GBE1: variants seen among roughly 807,000 people sequenced by gnomAD.
The protein encoded by GBE1 is 1,4-alpha-glucan branching enzyme 1.
A neutral mutation model predicts 88.8 loss-of-function variants in GBE1; 70 were observed. That is an observed-to-expected ratio of 0.79 (90% confidence interval 0.65 to 0.96). The LOEUF is 0.96. GBE1 is among the 40% of genes least tolerant of loss of function. GBE1 has a pLI of 0.00. For synonymous variants in GBE1, 284 were observed against 300.1 expected (o/e 0.95, Z 0.56); for missense variants, 872 against 871.0 (o/e 1.00, Z -0.01).
intron 7 of GBE1, among the ~76,000 whole-genome samples, chr3:81,639,050 G>A (rs939457507): frequency 1.3e-5 from 2 of 152,126 alleles, no homozygotes; most frequent in Non-Finnish European, 2.9e-5. Flanking sequence ...AATGTAAGGG[G>A]TGGAAAAATT....
chr3:81,570,688 G>A (rs1053272122), intron 12 of GBE1, among the ~76,000 whole-genome samples: 4 of 152,138 alleles, frequency 2.6e-5, no homozygotes, highest in Non-Finnish European at 5.9e-5. Context: ...GATCATAAAG[G>A]ATGTTATAGG....
chr3:81,501,174 A>T (rs150818464), intron 14 of GBE1, among the ~76,000 whole-genome samples: 1 of 152,210 alleles, frequency 6.6e-6, no homozygotes, highest in Admixed American at 6.5e-5. Context: ...ACAACGAATG[A>T]TCAATTATGG....
intron 1 of GBE1, among the ~76,000 whole-genome samples, chr3:81,706,652 G>C (rs1705779111): frequency 6.6e-6 from 1 of 152,102 alleles, no homozygotes; most frequent in African/African-American, 2.4e-5. Context: ...TACAAAATTT[G>C]AGATGCAGAA....
At chr3:81,517,296 A>G (rs963432510) in intron 14 of GBE1, among the ~76,000 whole-genome samples, 4 of 151,542 alleles carry the variant, frequency 2.6e-5, no homozygotes, top group Non-Finnish European at 5.9e-5. Flanking sequence ...GACCATTAAC[A>G]TCTTTTAGCA....
At chr3:81,592,514 C>T (rs997051298) in intron 8 of GBE1, among the ~76,000 whole-genome samples, 1 of 152,058 alleles carries the variant, frequency 6.6e-6, no homozygotes, top group Admixed American at 6.6e-5. Flanking sequence ...ATATTAACTG[C>T]CTTAAATCTC....
chr3:81,741,369 G>A (rs1706346944), intron 1 of GBE1, among the ~76,000 whole-genome samples: 1 of 152,008 alleles, frequency 6.6e-6, no homozygotes. Flanking sequence ...CAATGCAATA[G>A]AGCCTTGGTT....
At chr3:81,518,924 A>G (rs1327488679) in intron 14 of GBE1, among the ~76,000 whole-genome samples, 1 of 151,590 alleles carries the variant, frequency 6.6e-6, no homozygotes, top group Middle Eastern at 3.2e-3. Flanking sequence ...CTTTTTTACC[A>G]AAGTATCTAA....
rs1243517730 is a variant in GBE1, at chr3:81,597,463, AT to A, written c.993-3441del. On this transcript the variant is annotated intron_variant, in intron 7 of 15. Transcript: ENST00000429644. ...TCTCAAAAATATATATATATCTCAAATATATATATATATCTCAAAATATATA... is the reference window on the plus strand; with the variant it reads ...TCTCAAAAATATATATATATCTCAAAATATATATATATCTCAAAATATATA... Among the ~76,000 whole-genome samples the A allele has an allele frequency of 3.6e-5, 5 of 137,952 alleles. No homozygotes were observed. In the East Asian group the frequency reaches 1.1e-3, roughly 30 times the overall value. The allele number at this position is 137,952 out of a possible 152,430, so 90.5% of individuals were successfully genotyped here.
intron 7 of GBE1, among the ~76,000 whole-genome samples, chr3:81,636,825 C>T (rs1264279537): frequency 6.6e-6 from 1 of 152,132 alleles, no homozygotes; most frequent in African/African-American, 2.4e-5. Context: ...CCGCCATGTC[C>T]AGCCATCATT....
intron 7 of GBE1, among the ~76,000 whole-genome samples, chr3:81,608,929 T>C (rs548099061): frequency 5.1e-4 from 77 of 152,164 alleles, no homozygotes; most frequent in Admixed American, 9.2e-4. Context: ...AGAGCCTTCA[T>C]AAGGAAACGT....
At chr3:81,721,953 T>G (rs545097670) in intron 1 of GBE1, among the ~76,000 whole-genome samples, 1 of 152,178 alleles carries the variant, frequency 6.6e-6, no homozygotes, top group Non-Finnish European at 1.5e-5. Context: ...TCAGAAAAGT[T>G]AAGCTACTTT....
At chr3:81,633,057 C>T (rs768755181) in intron 7 of GBE1, among the ~76,000 whole-genome samples, 6 of 152,124 alleles carry the variant, frequency 3.9e-5, no homozygotes, top group Non-Finnish European at 4.4e-5. Context: ...AGCTTGACAT[C>T]CTTTTAAAAA....
intron 11 of GBE1, among the ~76,000 whole-genome samples, chr3:81,580,887 G>C (rs1282276696): frequency 6.6e-6 from 1 of 151,968 alleles, no homozygotes; most frequent in Non-Finnish European, 1.5e-5. Flanking sequence ...TATAATACTT[G>C]CAACTGCAAT....
At chr3:81,743,245 T>C (rs1706374966) in intron 1 of GBE1, among the ~76,000 whole-genome samples, 1 of 152,180 alleles carries the variant, frequency 6.6e-6, no homozygotes, top group Non-Finnish European at 1.5e-5. Context: ...TGATTGCTCA[T>C]GAAGGCAAAT....
chr3:81,759,487 CA>C (rs1234898533), intron 1 of GBE1, among the ~76,000 whole-genome samples: 5 of 152,304 alleles, frequency 3.3e-5, no homozygotes, highest in Admixed American at 3.3e-4. Flanking sequence ...GAACTAAGAC[CA>C]GATTGTATGA....
intron 2 of GBE1, among the ~76,000 whole-genome samples, chr3:81,676,565 G>C (rs1705255068): frequency 6.6e-6 from 1 of 151,878 alleles, no homozygotes; most frequent in South Asian, 2.1e-4. Flanking sequence ...CATAGTATTT[G>C]AACATCTCTT....
chr3:81,667,257 G>A (rs556974820), intron 3 of GBE1, among the ~76,000 whole-genome samples: 1 of 152,066 alleles, frequency 6.6e-6, no homozygotes, highest in Non-Finnish European at 1.5e-5. Context: ...GTCTATTGCT[G>A]GTGTAAAGGA....
At chr3:81,531,238 G>A (rs974797851) in intron 14 of GBE1, among the ~76,000 whole-genome samples, 24 of 151,886 alleles carry the variant, frequency 1.6e-4, no homozygotes, top group African/African-American at 5.8e-4. Context: ...TTCTCTTCTG[G>A]CTCAGGGAAG....
At chr3:81,573,484 C>A (rs1356939928) in intron 12 of GBE1, among the ~76,000 whole-genome samples, 1 of 152,176 alleles carries the variant, frequency 6.6e-6, no homozygotes, top group African/African-American at 2.4e-5. Context: ...GAACCTAGTG[C>A]ATGCATTACT....
Sources: allele counts gnomAD v4.1 joint callset (sites outside exome capture counted in the v4.1 genomes callset), GRCh38; gene constraint gnomAD v4.1.1; transcripts MANE v1.5; gene names NCBI Gene and HGNC (gene_info 2026-07-23, HGNC 2026-07-21).